The following C3orf49 variants were observed in gnomAD, a reference collection of about 807,000 sequenced individuals.
The protein encoded by C3orf49 is chromosome 3 open reading frame 49, also known as putative uncharacterized protein C3orf49.
Under a neutral mutation model 13.3 loss-of-function variants are expected in C3orf49, and 27 were observed. That is an observed-to-expected ratio of 2.02 (90% CI 1.49 to 2.79). The LOEUF (loss-of-function observed/expected upper bound fraction) is 2.79, where lower values mean the gene tolerates loss of function less well. Among genes scored for constraint, C3orf49 ranks in the 30% most tolerant of loss-of-function variants. C3orf49 has a pLI of 0.00. For synonymous variants in C3orf49, 87 were observed against 47.6 expected (o/e 1.83, Z -3.40); for missense variants, 242 against 134.2 (o/e 1.80, Z -3.97).
intron 5 of C3orf49, among the ~76,000 whole-genome samples, chr3:63,842,547 A>G (rs1701789271): frequency 6.6e-6 from 1 of 152,224 alleles, no homozygotes; most frequent in Admixed American, 6.5e-5. Context: ...TGTCTTCTGC[A>G]GCAACCTGGA....
chr3:63,841,815 A>G (rs1701767013), intron 5 of C3orf49, among the ~76,000 whole-genome samples: 1 of 152,214 alleles, frequency 6.6e-6, no homozygotes, highest in Non-Finnish European at 1.5e-5. Context: ...TCTTACTACA[A>G]ATGTTTTAAG....
At chr3:63,797,366 G>C in the C3orf49 span, among the ~76,000 whole-genome samples, 13 of 152,182 alleles carry the variant, frequency 8.5e-5, no homozygotes, top group African/African-American at 2.6e-4. Flanking sequence ...TTGGAGGGTA[G>C]GCCTTTGTCC....
At chr3:63,792,810 A>G in the C3orf49 span, among the ~76,000 whole-genome samples, 1 of 152,222 alleles carries the variant, frequency 6.6e-6, no homozygotes. Flanking sequence ...TTTTTCTACT[A>G]GGTGCAAAAG....
upstream of C3orf49, among the ~76,000 whole-genome samples, chr3:63,817,800 CAG>C (rs1272765105): frequency 1.3e-5 from 2 of 152,122 alleles, no homozygotes; most frequent in Non-Finnish European, 2.9e-5. Flanking sequence ...CATGCACACA[CAG>C]AGACATGTAC....
the C3orf49 span, among the ~76,000 whole-genome samples, chr3:63,781,557 A>G: frequency 6.6e-6 from 1 of 152,188 alleles, no homozygotes; most frequent in Non-Finnish European, 1.5e-5. Context: ...TGGGGATGGC[A>G]TTGAATCTAT....
chr3:63,820,881 C>T (rs570771007), intron 1 of C3orf49, among the ~76,000 whole-genome samples: 1 of 152,154 alleles, frequency 6.6e-6, no homozygotes, highest in South Asian at 2.1e-4. Context: ...TTTGCAGAAC[C>T]CTGCCCTTGG....
chr3:63,782,297 G>T, the C3orf49 span: 1 of 151,808 alleles, frequency 6.6e-6, no homozygotes, highest in Non-Finnish European at 1.5e-5. Flanking sequence ...TCTTAAAGTG[G>T]ATGTTTACAT....
chr3:63,835,191 A>G, intron 5 of C3orf49: 1 of 1,613,718 alleles, frequency 6.2e-7, no homozygotes, highest in Non-Finnish European at 8.5e-7. Context: ...TGGTACTAAG[A>G]AGAACATGAA....
rs562670424 is a variant in C3orf49, at chr3:63,828,666, A to G, written c.570+941A>G. 5.9e-5 allele frequency among the ~76,000 whole-genome samples: 9 copies of G among 152,286 alleles called. No individual in the cohort carries two copies. In the East Asian group the frequency reaches 1.3e-3, roughly 23 times the overall value. On this transcript the variant is annotated intron_variant, in intron 3 of 6. Transcript: ENST00000295896. Reference sequence around the variant, plus strand: ...AAAAATAGAACCATGAACTATTATTATTATTATTTTAGATACAAGACTTAC... The same window carrying G: ...AAAAATAGAACCATGAACTATTATTGTTATTATTTTAGATACAAGACTTAC...
chr3:63,818,074 A>C (rs1280584836), upstream of C3orf49, among the ~76,000 whole-genome samples: 7 of 152,162 alleles, frequency 4.6e-5, no homozygotes. Flanking sequence ...GGCATATTAG[A>C]TATGCTCTAC....
At chr3:63,795,271 C>A in the C3orf49 span, among the ~76,000 whole-genome samples, 1 of 152,112 alleles carries the variant, frequency 6.6e-6, no homozygotes, top group Non-Finnish European at 1.5e-5. Flanking sequence ...ATGAGGTGAG[C>A]AGGAAGTGGC....
upstream of C3orf49, among the ~76,000 whole-genome samples, chr3:63,816,304 C>T (rs372167259): frequency 3.3e-5 from 5 of 151,876 alleles, no homozygotes; most frequent in South Asian, 2.1e-4. Context: ...AATATATGAA[C>T]AAGTTCCCTA....
chr3:63,807,915 A>C, the C3orf49 span, among the ~76,000 whole-genome samples: 1 of 151,290 alleles, frequency 6.6e-6, no homozygotes, highest in Non-Finnish European at 1.5e-5. Flanking sequence ...TAAATAAATA[A>C]ATAAAGGGAA....
At chr3:63,789,101 C>T in the C3orf49 span, among the ~76,000 whole-genome samples, 2 of 152,270 alleles carry the variant, frequency 1.3e-5, no homozygotes, top group Admixed American at 6.5e-5. Context: ...AGATGGGCGG[C>T]GGGCGAGCGG....
chr3:63,838,081 T>A (rs773651052), intron 5 of C3orf49: 4 of 1,568,900 alleles, frequency 2.5e-6, no homozygotes, highest in South Asian at 1.2e-5. Context: ...GAAGGTTTTT[T>A]AAAAGATAGT....
intron 6 of C3orf49, 115 bp downstream of exon 6, chr3:63,845,197 A>G (rs1575808672): frequency 4.1e-6 from 2 of 482,916 alleles, no homozygotes; most frequent in Non-Finnish European, 7.4e-6. Flanking sequence ...AAGCTCGCTG[A>G]TATCTTTGGC....
chr3:63,784,302 T>G, the C3orf49 span, among the ~76,000 whole-genome samples: 1 of 152,210 alleles, frequency 6.6e-6, no homozygotes, highest in Non-Finnish European at 1.5e-5. Context: ...AATCTGGGGA[T>G]TTATAAATAC....
At chr3:63,832,359 T>C (rs1009186563) in intron 5 of C3orf49, among the ~76,000 whole-genome samples, 2 of 152,136 alleles carry the variant, frequency 1.3e-5, no homozygotes, top group Admixed American at 6.6e-5. Context: ...AATATCTTTT[T>C]TGAAAAACTG....
chr3:63,818,960 C>CAGTTACAGCTGGTGA (rs1701356804), upstream of C3orf49, among the ~76,000 whole-genome samples: 1 of 152,218 alleles, frequency 6.6e-6, no homozygotes, highest in Non-Finnish European at 1.5e-5. Flanking sequence ...GAACATTCAC[C>CAGTTACAGCTGGTGA]AGCTGTAACT....
Sources: allele counts gnomAD v4.1 joint callset (sites outside exome capture counted in the v4.1 genomes callset), GRCh38; gene constraint gnomAD v4.1.1; transcripts MANE v1.5; gene names NCBI Gene and HGNC (gene_info 2026-07-23, HGNC 2026-07-21).